PTPRD: variants seen among roughly 807,000 people sequenced by gnomAD.
PTPRD encodes the protein receptor-type tyrosine-protein phosphatase delta.
A neutral mutation model predicts 214.5 loss-of-function variants in PTPRD; 34 were observed. That is an observed-to-expected ratio of 0.16 (90% confidence interval 0.12 to 0.21). PTPRD has a LOEUF of 0.21. Ranked by LOEUF, PTPRD falls within the 10% of genes least tolerant of loss-of-function variation. The pLI, the probability that PTPRD is intolerant of heterozygous loss-of-function variation, is 1.00. For synonymous variants in PTPRD, 1,128 were observed against 845.7 expected (o/e 1.33, Z -5.79); for missense variants, 2,545 against 2,398.7 (o/e 1.06, Z -1.27).
At chr9:8,931,377 G>A (rs2098951384) in intron 11 of PTPRD, among the ~76,000 whole-genome samples, 1 of 152,102 alleles carries the variant, frequency 6.6e-6, no homozygotes, top group Non-Finnish European at 1.5e-5. Flanking sequence ...TTGTAGTATA[G>A]TTTGAAGTCA....
rs1040081764 is a variant in PTPRD at position 8,492,881 on chromosome 9, C to T, written c.2448G>A (p.Leu816=). Reference sequence around the variant, plus strand: ...GATTACCTGCCCCAGTGGTGGACACCAGTTTGGGCTTGCTGCGAGCACCAT... The same window carrying T: ...GATTACCTGCCCCAGTGGTGGACACTAGTTTGGGCTTGCTGCGAGCACCAT... ...KGDGARSKPK[L]VSTTGAVPGK... is the part of the protein sequence containing the mutation. The change falls in exon 27 of 46, where the codon CTG becomes CTA. Residue 816 remains leucine, a synonymous_variant. Transcript: ENST00000381196. 6.2e-7 allele frequency: 1 copy of T among 1,613,490 alleles called. No homozygotes were observed. Among genetic ancestry groups the T allele is most frequent in the African/African-American group, 1.3e-5 (1 of 74,880 alleles).
chr9:9,261,249 A>G (rs2099979988), intron 9 of PTPRD, among the ~76,000 whole-genome samples: 1 of 151,860 alleles, frequency 6.6e-6, no homozygotes, highest in African/African-American at 2.4e-5. Flanking sequence ...CAACTTATCC[A>G]TCTTCCTGAT....
chr9:10,480,221 A>G (rs189677169), intron 2 of PTPRD, among the ~76,000 whole-genome samples: 85 of 152,316 alleles, frequency 5.6e-4, no homozygotes, highest in Admixed American at 4.2e-3. Context: ...TTTGTCCCCA[A>G]TACAGAATTT....
chr9:9,854,919 A>T (rs2061261950), intron 5 of PTPRD, among the ~76,000 whole-genome samples: 1 of 152,210 alleles, frequency 6.6e-6, no homozygotes, highest in Non-Finnish European at 1.5e-5. Context: ...CAACAAATTG[A>T]GGAATTTGGG....
intron 2 of PTPRD, 133 bp downstream of exon 2, chr9:10,612,265 C>A (rs1428332841): frequency 6.7e-6 from 1 of 150,072 alleles, no homozygotes; most frequent in Non-Finnish European, 1.5e-5. Flanking sequence ...ATAGGAGCTA[C>A]TGAAGTTATA....
chr9:8,906,869 G>A (rs1388062703), intron 11 of PTPRD, among the ~76,000 whole-genome samples: 5 of 152,088 alleles, frequency 3.3e-5, no homozygotes, highest in South Asian at 2.1e-4. Flanking sequence ...ACACATCCCC[G>A]GCTGACTGCA....
intron 2 of PTPRD, among the ~76,000 whole-genome samples, chr9:10,589,633 C>A (rs1386694621): frequency 1.3e-5 from 2 of 151,982 alleles, no homozygotes; most frequent in African/African-American, 4.8e-5. Context: ...AGTGCCTCAA[C>A]TATGAAAGAG....
chr9:10,190,093 G>A (rs1053856445), intron 3 of PTPRD, among the ~76,000 whole-genome samples: 5 of 152,098 alleles, frequency 3.3e-5, no homozygotes, highest in Non-Finnish European at 5.9e-5. Flanking sequence ...GGGGCCAGGC[G>A]CGGTGGGTCA....
chr9:9,043,003 T>C (rs866518566), intron 10 of PTPRD, among the ~76,000 whole-genome samples: 3 of 152,192 alleles, frequency 2.0e-5, no homozygotes, highest in Middle Eastern at 3.2e-3. Flanking sequence ...GGCAATCTTA[T>C]CTGTTACCAA....
At chr9:9,599,990 C>T (rs184847724) in intron 7 of PTPRD, among the ~76,000 whole-genome samples, 5 of 152,068 alleles carry the variant, frequency 3.3e-5, no homozygotes, top group African/African-American at 9.6e-5. Flanking sequence ...ATTCCCCTTG[C>T]TCTATGGGCT....
At chr9:8,670,879 G>A (rs2097270105) in intron 12 of PTPRD, among the ~76,000 whole-genome samples, 1 of 152,154 alleles carries the variant, frequency 6.6e-6, no homozygotes, top group African/African-American at 2.4e-5. Flanking sequence ...GAGGATCACT[G>A]GTACATTTGA....
chr9:8,581,800 T>G (rs566479759), intron 14 of PTPRD, among the ~76,000 whole-genome samples: 1,485 of 71,496 alleles, frequency 0.021, 20 homozygotes, highest in African/African-American at 0.073. Context: ...GGAGGAGAGG[T>G]GAGGGGAGGG....
At chr9:9,056,152 T>A (rs1211062511) in intron 10 of PTPRD, among the ~76,000 whole-genome samples, 2 of 152,180 alleles carry the variant, frequency 1.3e-5, no homozygotes, top group Non-Finnish European at 2.9e-5. Flanking sequence ...TTTAGAACAA[T>A]CTACGAAGAA....
chr9:9,738,411 AT>A, intron 6 of PTPRD, among the ~76,000 whole-genome samples: 1 of 143,694 alleles, frequency 7.0e-6, no homozygotes, highest in Non-Finnish European at 1.5e-5. Context: ...CTTTGGAGAA[AT>A]ATGTATTAAA....
intron 2 of PTPRD, among the ~76,000 whole-genome samples, chr9:10,423,999 C>T (rs2098583842): frequency 6.6e-6 from 1 of 151,894 alleles, no homozygotes; most frequent in Admixed American, 6.6e-5. Context: ...CAGAATTCAA[C>T]AAATTAATTG....
chr9:8,751,659 T>C (rs2093546532), intron 11 of PTPRD, among the ~76,000 whole-genome samples: 2 of 152,192 alleles, frequency 1.3e-5, no homozygotes, highest in Admixed American at 6.5e-5. Context: ...CAGTCTTAGT[T>C]ATCTTTTACA....
chr9:8,578,377 C>G (rs1447415648), intron 14 of PTPRD, among the ~76,000 whole-genome samples: 1 of 150,718 alleles, frequency 6.6e-6, no homozygotes, highest in African/African-American at 2.5e-5. Flanking sequence ...TATATATAGT[C>G]TATTTATTAA....
At chr9:8,941,365 C>T (rs997006046) in intron 11 of PTPRD, among the ~76,000 whole-genome samples, 18 of 152,146 alleles carry the variant, frequency 1.2e-4, no homozygotes, top group Admixed American at 1.1e-3. Flanking sequence ...TACACATATA[C>T]ACTATATATA....
intron 9 of PTPRD, among the ~76,000 whole-genome samples, chr9:9,338,538 G>A (rs2045510328): frequency 6.6e-6 from 1 of 151,812 alleles, no homozygotes; most frequent in African/African-American, 2.4e-5. Flanking sequence ...CACAGAAACT[G>A]GTAGAAAGAT....
Sources: gnomAD v4.1 joint callset for allele counts (sites outside exome capture counted in the v4.1 genomes callset) on GRCh38, gnomAD v4.1.1 for gene constraint, MANE v1.5 for transcripts, NCBI Gene and HGNC (gene_info 2026-07-23, HGNC 2026-07-21) for gene names.